CACNA1A: variants seen among roughly 807,000 people sequenced by gnomAD.
CACNA1A encodes calcium voltage-gated channel subunit alpha1 A, also known as voltage-dependent P/Q-type calcium channel subunit alpha-1A.
In CACNA1A, 57 loss-of-function variants were observed where a neutral mutation model predicts 262.4. The observed-to-expected ratio is 0.22, with a 90% confidence interval of 0.18 to 0.27. The LOEUF is 0.27. Ranked by LOEUF, CACNA1A falls within the 10% of genes least tolerant of loss-of-function variation. The pLI is 1.00. For missense variants in CACNA1A, 2,526 were observed against 3,562.8 expected (o/e 0.71, Z 7.41); for synonymous variants, 1,431 against 1,419.3 (o/e 1.01, Z -0.18).
At position 13,241,315 on chromosome 19, in the gene CACNA1A, T is replaced by A. The variant is rs1164641416; in HGVS notation, c.4950+3867A>T. On this transcript the variant is annotated intron_variant, in intron 31 of 46. Transcript: ENST00000360228. This position sits in a 1 kb window ranked among gnomAD's most constrained non-coding sequence, Gnocchi z 4.0. Reference sequence around the variant, plus strand: ...CAGAAAACCCCCATTCAGAACCCGATAAAAACAGAGAGACAGAGTCTACAG... The same window carrying A: ...CAGAAAACCCCCATTCAGAACCCGAAAAAAACAGAGAGACAGAGTCTACAG... Among the ~76,000 whole-genome samples, 1 of 151,468 alleles carries A rather than the reference T, an allele frequency of 6.6e-6. No individual in the cohort carries two copies. Among genetic ancestry groups the A allele is most frequent in the Admixed American group, 6.6e-5 (1 of 15,214 alleles).
intron 25 of CACNA1A, 31 bp downstream of exon 25, chr19:13,262,703 C>G (rs541340482): frequency 7.2e-6 from 10 of 1,382,412 alleles, no homozygotes; most frequent in South Asian, 6.0e-5. Context: ...GACAGTCCCC[C>G]CCACCGCACC....
At chr19:13,350,436 T>C (rs2058886261) in intron 6 of CACNA1A, among the ~76,000 whole-genome samples, 1 of 151,996 alleles carries the variant, frequency 6.6e-6, no homozygotes, top group African/African-American at 2.4e-5. Flanking sequence ...ATTCAAGGAG[T>C]TCGTGAATTT....
intron 27 of CACNA1A, chr19:13,258,848 C>T (rs2056642707): frequency 6.6e-6 from 1 of 151,934 alleles, no homozygotes; most frequent in Admixed American, 6.6e-5. Context: ...CTGAAAATCT[C>T]AGTAATCAAG....
intron 1 of CACNA1A, among the ~76,000 whole-genome samples, chr19:13,485,184 T>C (rs1979826455): frequency 6.6e-6 from 1 of 152,160 alleles, no homozygotes. Context: ...GGGACAATTC[T>C]TATGGAATAA....
chr19:13,465,692 T>C (rs2061222105), intron 1 of CACNA1A, among the ~76,000 whole-genome samples: 1 of 152,098 alleles, frequency 6.6e-6, no homozygotes, highest in Admixed American at 6.6e-5. Context: ...TTTTGCTATG[T>C]TACCCAGGGT....
chr19:13,307,906 G>T, intron 14 of CACNA1A, 52 bp from the exon 15 acceptor site: 1 of 1,535,520 alleles, frequency 6.5e-7, no homozygotes, highest in Non-Finnish European at 9.0e-7. Context: ...GGTGCTCTGA[G>T]GGTGTGGCTC....
chr19:13,506,276 ACGCCGCCGC>A lies in CACNA1A; in HGVS notation c.-61_-53del, dbSNP rs16000. The A allele has an allele frequency of 1.9e-4, 260 of 1,354,680 alleles. 1 individual carries two copies. The highest frequency in any genetic ancestry group is 9.7e-4 in the South Asian group (56 of 57,864). The allele number at this position is 1,354,680 out of a possible 1,614,324, so 83.9% of individuals were successfully genotyped here. ...TACGCTGCGGCGAACGATGCGGAAG[ACGCCGCCGC>A]CGCCGCCGCCGCCGCTGATGCTGAG... On this transcript the variant is annotated 5_prime_UTR_variant, in exon 1 of 47. Coordinates refer to ENST00000360228, the MANE Select transcript of CACNA1A (RefSeq NM_001127222.2).
In CACNA1A at chr19:13,208,936, G is replaced by A. The variant is rs1200479970; in HGVS notation, c.6600C>T (p.Gly2200=). The change falls in exon 46 of 47, where the codon GGC becomes GGT. Residue 2200 remains glycine, a synonymous_variant. Transcript: ENST00000360228. ...LPSKERDQER[G]RPKDRKHRQH... ...GTCGATGCTTCCGATCCTTGGGCCG[G>A]CCCCGCTCCTGGTCCCGCTCCTTCG... The A allele has an allele frequency of 6.5e-7, 1 of 1,537,494 alleles. No homozygotes were observed. The highest frequency in any genetic ancestry group is 8.7e-7 in the Non-Finnish European group (1 of 1,146,902).
At chr19:13,261,383 C>T (rs1433673438) in intron 26 of CACNA1A, 67 bp downstream of exon 26, 3 of 1,435,550 alleles carry the variant, frequency 2.1e-6, no homozygotes, top group Non-Finnish European at 2.8e-6. Flanking sequence ...TGGCCAATGC[C>T]TCTAGCCACT....
chr19:13,412,939 G>C (rs1234217785), intron 3 of CACNA1A, among the ~76,000 whole-genome samples: 1 of 152,122 alleles, frequency 6.6e-6, no homozygotes, highest in Admixed American at 6.6e-5. Flanking sequence ...GGACAAAATG[G>C]TGTGGTTGGA....
In CACNA1A at chr19:13,317,134, G is replaced by A. The variant is rs751539123; in HGVS notation, c.1533C>T (p.Pro511=). The A allele has an allele frequency of 3.7e-6, 6 of 1,607,086 alleles. No homozygotes were observed. The Admixed American group carries it at 5.0e-5, about 13-fold the overall frequency. The change falls in exon 11 of 47, where the codon CCC becomes CCT. Residue 511 remains proline (P), a synonymous_variant. Transcript: ENST00000360228. ...LCVAIVHYNQ[P]EWLSDFLYYA... ...CACAAAGGAAGTCGGAGAGCCACTCGGGCTGGTTGTAGTGAACAATAGCAA... is the reference window on the plus strand; with the variant it reads ...CACAAAGGAAGTCGGAGAGCCACTCAGGCTGGTTGTAGTGAACAATAGCAA...
chr19:13,402,021 T>C (rs1009069962), intron 3 of CACNA1A, among the ~76,000 whole-genome samples: 5 of 152,214 alleles, frequency 3.3e-5, no homozygotes, highest in African/African-American at 1.2e-4. Flanking sequence ...TGCATACTCT[T>C]AAGCCAGAGA....
At chr19:13,369,557 G>A (rs952285008) in intron 4 of CACNA1A, among the ~76,000 whole-genome samples, 2 of 152,202 alleles carry the variant, frequency 1.3e-5, no homozygotes, top group African/African-American at 2.4e-5. Flanking sequence ...TGTAAATGGG[G>A]ACTGCAATAG....
At chr19:13,299,876 T>G (rs2057752603) in intron 18 of CACNA1A, among the ~76,000 whole-genome samples, 1 of 152,002 alleles carries the variant, frequency 6.6e-6, no homozygotes, top group Non-Finnish European at 1.5e-5. Flanking sequence ...TGGGGGGTGG[T>G]TTTGGGATGA....
At chr19:13,210,717 C>T (rs1037408563) in intron 43 of CACNA1A, 65 bp from the exon 44 acceptor site, 41 of 1,503,550 alleles carry the variant, frequency 2.7e-5, no homozygotes, top group Non-Finnish European at 3.7e-5. Flanking sequence ...ATATAAAAGG[C>T]AAGAGGGAGA....
intron 12 of CACNA1A, among the ~76,000 whole-genome samples, chr19:13,312,324 C>T (rs1425347595): frequency 6.6e-6 from 1 of 152,118 alleles, no homozygotes; most frequent in Non-Finnish European, 1.5e-5. Context: ...AAATAGAAAT[C>T]ATATTGATGT....
rs377286465 is a variant in CACNA1A at position 13,309,250 on chromosome 19, C to T, written c.1669-722G>A. 4.5e-4 allele frequency among the ~76,000 whole-genome samples: 69 copies of T among 152,106 alleles called. 1 individual carries two copies. In the East Asian group the frequency reaches 0.01, roughly 22 times the overall value. The stretch of plus-strand genomic sequence containing the variant: ...GTCTCGAACTCCTGACCTCGTGATC[C>T]GCCTGCCTCGGCCTCCCAAAGTGCT... On this transcript the variant is annotated intron_variant, in intron 12 of 46. Transcript: ENST00000360228.
chr19:13,464,543 A>ATT lies in CACNA1A; in HGVS notation c.294-9333_294-9332dup, dbSNP rs540418372. 3.2e-4 allele frequency among the ~76,000 whole-genome samples: 41 copies of ATT among 128,944 alleles called. 2 individuals carry two copies. Among genetic ancestry groups the ATT allele is most frequent in the African/African-American group, 8.7e-4 (28 of 32,074 alleles). 84.6% of individuals were successfully genotyped at this position (128,944 alleles called of 152,430 possible). A position where few individuals can be genotyped will look rare whatever the true frequency, so the allele number is the denominator to read the frequency against. ...CTGCTAATAGTAAATAACTTTTCCA[A>ATT]TTTTTTTTTTTTTTTTTTTTTTAGA... is the stretch of plus-strand genomic sequence containing the variant. On this transcript the variant is annotated intron_variant, in intron 1 of 46. Transcript: ENST00000360228.
chr19:13,227,622 CAG>C, intron 36 of CACNA1A, 95 bp from the exon 37 acceptor site: 1 of 474,438 alleles, frequency 2.1e-6, no homozygotes, highest in South Asian at 6.6e-5. Context: ...TGGGGAGAAA[CAG>C]AAGAAAGAAA....
Sources: allele counts gnomAD v4.1 joint callset (sites outside exome capture counted in the v4.1 genomes callset), GRCh38; gene constraint gnomAD v4.1.1; non-coding constraint Gnocchi (gnomAD v3.1); transcripts MANE v1.5; gene names NCBI Gene and HGNC (gene_info 2026-07-23, HGNC 2026-07-21).